Variants in TRIM2 observed in about 807,000 individuals in gnomAD.
The protein encoded by TRIM2 is tripartite motif containing 2, also known as tripartite motif-containing protein 2.
TRIM2 carries 20 observed loss-of-function variants against 75.2 expected under a neutral mutation model. That is an observed-to-expected ratio of 0.27 (90% confidence interval 0.19 to 0.39). The LOEUF (loss-of-function observed/expected upper bound fraction) is 0.39. TRIM2 is among the 10% of genes least tolerant of loss of function. The pLI is 1.00. For synonymous variants in TRIM2, 373 were observed against 388.3 expected (o/e 0.96, Z 0.46); for missense variants, 660 against 990.8 (o/e 0.67, Z 4.48).
chr4:153,231,643 G>A (rs1167759951), intron 1 of TRIM2, among the ~76,000 whole-genome samples: 2 of 152,182 alleles, frequency 1.3e-5, no homozygotes, highest in East Asian at 3.9e-4. Flanking sequence ...ATACAGACTT[G>A]ATGCTTAGGT....
chr4:153,203,126 A>AAAAAAG (rs1553962330), upstream of TRIM2, among the ~76,000 whole-genome samples: 1 of 143,742 alleles, frequency 7.0e-6, no homozygotes, highest in Admixed American at 6.9e-5. Flanking sequence ...AAAAAAAAAA[A>AAAAAAG]AGTGGAATTT....
At position 153,297,854 on chromosome 4, in the gene TRIM2, G is replaced by T. The variant is rs566877332; in HGVS notation, c.1510+1818G>T. ...ATATTACCTAAATCTTAAGGTTGCT[G>T]TTGGGGGTGAAATGAGAGAATTCTT... On this transcript the variant is annotated intron_variant, in intron 6 of 11. Transcript: ENST00000338700. 9.6e-4 allele frequency among the ~76,000 whole-genome samples: 146 copies of T among 152,354 alleles called. 3 individuals carry two copies. In the Middle Eastern group the frequency reaches 0.01, roughly 11 times the overall value.
rs889636628 is a variant in TRIM2 at position 153,327,912 on chromosome 4, G to A, written c.2023-618G>A. On this transcript the variant is annotated intron_variant, in intron 10 of 11. Transcript: ENST00000338700. ...AAGCCTTAGGATCATATAAACTCTC[G>A]AACTAAAATATCTTCTGAGGGTAAA... Among the ~76,000 whole-genome samples the A allele has an allele frequency of 8.0e-4, 121 of 152,046 alleles. 2 individuals are homozygous for A. Among genetic ancestry groups the A allele is most frequent in the Non-Finnish European group, 3.2e-4 (22 of 68,004 alleles).
intron 1 of TRIM2, among the ~76,000 whole-genome samples, chr4:153,245,929 T>A (rs1749012597): frequency 6.6e-6 from 1 of 152,222 alleles, no homozygotes; most frequent in African/African-American, 2.4e-5. Context: ...TCTGCCTGCC[T>A]CAGCCTCTGA....
intron 1 of TRIM2, among the ~76,000 whole-genome samples, chr4:153,212,029 G>T (rs1046935777): frequency 3.9e-5 from 6 of 152,148 alleles, no homozygotes; most frequent in African/African-American, 1.4e-4. Context: ...AGGAGGAAGT[G>T]CTTGCTTCTA....
chr4:153,226,772 A>T (rs1370509569), intron 1 of TRIM2, among the ~76,000 whole-genome samples: 1 of 152,216 alleles, frequency 6.6e-6, no homozygotes, highest in Non-Finnish European at 1.5e-5. Context: ...CTCTCAGATT[A>T]AGACTCCTGA....
intron 2 of TRIM2, among the ~76,000 whole-genome samples, chr4:153,274,110 T>C (rs1757504555): frequency 6.6e-6 from 1 of 152,226 alleles, no homozygotes; most frequent in Non-Finnish European, 1.5e-5. Flanking sequence ...TTGTCTTTGT[T>C]GTAAGAGCAG....
chr4:153,196,424 A>G (rs1318737482), intron 1 of TRIM2, among the ~76,000 whole-genome samples: 1 of 152,120 alleles, frequency 6.6e-6, no homozygotes, highest in Non-Finnish European at 1.5e-5. Context: ...GGGACAGGGC[A>G]AGACCCTGTC....
intron 3 of TRIM2, among the ~76,000 whole-genome samples, chr4:153,291,096 A>T (rs1158418411): frequency 6.6e-6 from 1 of 152,212 alleles, no homozygotes; most frequent in Non-Finnish European, 1.5e-5. Flanking sequence ...TAAACCTCTT[A>T]CTATGTACCT....
At chr4:153,195,101 G>A (rs1733629269) in intron 1 of TRIM2, among the ~76,000 whole-genome samples, 1 of 152,180 alleles carries the variant, frequency 6.6e-6, no homozygotes, top group South Asian at 2.1e-4. Context: ...CCTGGATTAG[G>A]GTGGGCCTTA....
chr4:153,178,017 C>T (rs72963160), intron 1 of TRIM2, among the ~76,000 whole-genome samples: 279 of 152,192 alleles, frequency 1.8e-3, no homozygotes, highest in African/African-American at 6.3e-3. Flanking sequence ...GCCCAGACCA[C>T]TCCCAAACTC....
At chr4:153,177,244 G>A (rs1304224732) in intron 1 of TRIM2, among the ~76,000 whole-genome samples, 1 of 152,218 alleles carries the variant, frequency 6.6e-6, no homozygotes, top group African/African-American at 2.4e-5. Flanking sequence ...TCTGAAAGTT[G>A]TCACTCAGTA....
At chr4:153,199,313 C>G (rs1479827934) in intron 1 of TRIM2, among the ~76,000 whole-genome samples, 1 of 152,152 alleles carries the variant, frequency 6.6e-6, no homozygotes, top group Non-Finnish European at 1.5e-5. Flanking sequence ...CAAATATAGT[C>G]CTTCCCAGAT....
chr4:153,338,588 A>T lies in TRIM2; in HGVS notation c.*3622A>T, dbSNP rs1282768187. ...TCTAGTATTGCCATAAAGGAAACTAAGTGCCCATCAAAGATTTGTTTGGTA... is the reference window on the plus strand; with the variant it reads ...TCTAGTATTGCCATAAAGGAAACTATGTGCCCATCAAAGATTTGTTTGGTA... On this transcript the variant is annotated 3_prime_UTR_variant, in exon 12 of 12. Coordinates refer to ENST00000338700, the MANE Select transcript of TRIM2 (RefSeq NM_015271.5). The T allele has an allele frequency of 4.1e-6, 4 of 984,734 alleles. No individual in the cohort carries two copies. The highest frequency in any genetic ancestry group is 4.8e-6 in the Non-Finnish European group (4 of 829,044). 61.0% of individuals were successfully genotyped at this position (984,734 alleles called of 1,614,324 possible). A position where few individuals can be genotyped will look rare whatever the true frequency, so the allele number is the denominator to read the frequency against.
intron 1 of TRIM2, among the ~76,000 whole-genome samples, chr4:153,258,551 G>A (rs1752646306): frequency 6.6e-6 from 1 of 152,082 alleles, no homozygotes; most frequent in African/African-American, 2.4e-5. Context: ...AAGTAGCAAG[G>A]CAGTTTGTTT....
chr4:153,284,452 C>G (rs1760137120), intron 3 of TRIM2, among the ~76,000 whole-genome samples: 1 of 152,144 alleles, frequency 6.6e-6, no homozygotes, highest in South Asian at 2.1e-4. Context: ...GATCTGCCAG[C>G]CTTGGCCTCC....
chr4:153,197,524 G>A (rs990903161), intron 1 of TRIM2, among the ~76,000 whole-genome samples: 3 of 152,178 alleles, frequency 2.0e-5, no homozygotes, highest in Admixed American at 2.0e-4. Flanking sequence ...CTTAGGAGGT[G>A]GGGCGTTTGG....
chr4:153,317,412 G>T (rs1767899892), intron 8 of TRIM2, among the ~76,000 whole-genome samples: 1 of 151,288 alleles, frequency 6.6e-6, no homozygotes, highest in East Asian at 2.0e-4. Flanking sequence ...ACTTTGGGAG[G>T]CCGAGGCGGG....
chr4:153,292,715 A>G (rs1305375549), intron 3 of TRIM2, among the ~76,000 whole-genome samples: 1 of 152,244 alleles, frequency 6.6e-6, no homozygotes, highest in Non-Finnish European at 1.5e-5. Context: ...TTTGAGCACC[A>G]CAGCCCTATA....
Sources: gnomAD v4.1 joint callset for allele counts (sites outside exome capture counted in the v4.1 genomes callset) on GRCh38, gnomAD v4.1.1 for gene constraint, MANE v1.5 for transcripts, NCBI Gene and HGNC (gene_info 2026-07-23, HGNC 2026-07-21) for gene names.